The following AFF2 variants were observed in gnomAD, a reference collection of about 807,000 sequenced individuals.
AFF2 encodes ALF transcription elongation factor 2.
A neutral mutation model predicts 76.9 loss-of-function variants in AFF2; 14 were observed. That is an observed-to-expected ratio of 0.18 (90% CI 0.12 to 0.28). The LOEUF is 0.28. AFF2 is among the 10% of genes least tolerant of loss of function. The pLI is 1.00. For missense variants in AFF2, 868 were observed against 1,001.1 expected, an observed-to-expected ratio of 0.87 and a Z score of 1.79; for synonymous variants, 398 against 366.7, an observed-to-expected ratio of 1.09 and a Z score of -0.98.
intron 3 of AFF2, among the ~76,000 whole-genome samples, chrX:148,695,514 C>A (rs1557261201): frequency 3.6e-5 from 4 of 112,211 alleles, no homozygotes; most frequent in Non-Finnish European, 7.5e-5. Context: ...TCTCATCACC[C>A]TTTGTTTAAA....
chrX:148,750,072 A>G (rs1557266377), intron 3 of AFF2, among the ~76,000 whole-genome samples: 1 of 109,764 alleles, frequency 9.1e-6, no homozygotes, highest in East Asian at 2.8e-4. Context: ...GGTTCAAGTG[A>G]TTCTCCTGCC....
At chrX:148,836,616 A>G (rs2070529535) in intron 4 of AFF2, among the ~76,000 whole-genome samples, 1 of 110,939 alleles carries the variant, frequency 9.0e-6, no homozygotes, top group Non-Finnish European at 1.9e-5. Context: ...TAATGGTTCT[A>G]TATGAAAATG....
At chrX:148,929,363 T>C (rs1025472926) in intron 9 of AFF2, among the ~76,000 whole-genome samples, 6 of 112,423 alleles carry the variant, frequency 5.3e-5, no homozygotes, top group African/African-American at 1.9e-4. Flanking sequence ...AATGAAATTT[T>C]GTTGCTGCTG....
intron 1 of AFF2, among the ~76,000 whole-genome samples, chrX:148,508,813 A>G (rs1557232808): frequency 9.0e-6 from 1 of 111,404 alleles, no homozygotes. Flanking sequence ...TTTGCTGCCA[A>G]AGTGCTTGGC....
intron 1 of AFF2, among the ~76,000 whole-genome samples, chrX:148,552,870 A>G (rs2053011241): frequency 8.9e-6 from 1 of 111,988 alleles, no homozygotes; most frequent in Admixed American, 9.4e-5. Context: ...CTTTACTTAA[A>G]GCCTCTGCAG....
At position 148,581,233 on chromosome X, in the gene AFF2, C is replaced by T. The variant is rs1411535398; in HGVS notation, c.48-70766C>T. On this transcript the variant is annotated intron_variant, in intron 1 of 20. Transcript: ENST00000370460. ...TACACACATATATAATATACGTATA[C>T]GTATACGTGTACACACATATACGTA... Among the ~76,000 whole-genome samples the T allele has an allele frequency of 2.7e-3, 201 of 75,083 alleles. 19 individuals carry two copies. The highest frequency in any genetic ancestry group is 0.011 in the Middle Eastern group (1 of 90). The allele number at this position is 75,083 out of a possible 115,157, so 65.2% of individuals were successfully genotyped here.
intron 3 of AFF2, among the ~76,000 whole-genome samples, chrX:148,803,804 C>G (rs1334541397): frequency 7.2e-5 from 8 of 110,850 alleles, no homozygotes; most frequent in Non-Finnish European, 1.9e-5. Context: ...GAGATGTCCT[C>G]ATAATGAAGC....
At chrX:148,558,245 C>G (rs1252517240) in intron 1 of AFF2, among the ~76,000 whole-genome samples, 1 of 111,614 alleles carries the variant, frequency 9.0e-6, no homozygotes, top group East Asian at 2.8e-4. Context: ...TTCTATTTTG[C>G]CCTGCTAGGT....
rs375079978 is a variant in AFF2 at position 148,501,049 on chromosome X, C to G, written c.-49C>G. 3.3e-6 allele frequency: 4 copies of G among 1,198,618 alleles called. No individual in the cohort carries two copies. The African/African-American group carries it at 7.1e-5, about 21-fold the overall frequency. ...GAGCTGTGCCGAGAGCCGCGCCGAC[C>G]CGCTGCGATCAGGGACAGGCGCCCG... On this transcript the variant is annotated 5_prime_UTR_variant, in exon 1 of 21. Transcript: ENST00000370460.
intron 1 of AFF2, among the ~76,000 whole-genome samples, chrX:148,513,374 T>C (rs2052502914): frequency 9.0e-6 from 1 of 111,667 alleles, no homozygotes; most frequent in African/African-American, 3.3e-5. Flanking sequence ...CCAAATGTGA[T>C]TTCAATGCCA....
chrX:148,887,486 T>G (rs1557279223), intron 8 of AFF2, among the ~76,000 whole-genome samples: 1 of 112,595 alleles, frequency 8.9e-6, no homozygotes, highest in Admixed American at 9.4e-5. Flanking sequence ...AAGTAGATTT[T>G]GCACATTGAC....
At chrX:148,666,825 A>G (rs1184090537) in intron 3 of AFF2, among the ~76,000 whole-genome samples, 1 of 111,335 alleles carries the variant, frequency 9.0e-6, no homozygotes, top group Admixed American at 9.5e-5. Context: ...TTGTTAATAA[A>G]CGTAGCTTTA....
rs1379268834 is a variant in AFF2, at chrX:148,628,076, A to T, written c.48-23923A>T. Reference sequence around the variant, plus strand: ...GCCAAAGGTGGGAAAGGAGATTGTAAAGAAGAAGCCAGGGCAGCAGAATTC... The same window carrying T: ...GCCAAAGGTGGGAAAGGAGATTGTATAGAAGAAGCCAGGGCAGCAGAATTC... On this transcript the variant is annotated intron_variant, in intron 1 of 20. Coordinates refer to ENST00000370460, the MANE Select transcript of AFF2 (RefSeq NM_002025.4). Among the ~76,000 whole-genome samples the T allele has an allele frequency of 5.1e-4, 57 of 111,266 alleles. No homozygotes were observed. In the Admixed American group the frequency reaches 5.4e-3, roughly 11 times the overall value.
intron 1 of AFF2, among the ~76,000 whole-genome samples, chrX:148,630,903 T>C (rs1221467832): frequency 5.3e-5 from 6 of 112,283 alleles, no homozygotes; most frequent in Non-Finnish European, 1.1e-4. Flanking sequence ...GCAGATGAAT[T>C]CATCTTCTGT....
chrX:148,988,140 C>T (rs2072495352), intron 20 of AFF2, among the ~76,000 whole-genome samples: 1 of 112,031 alleles, frequency 8.9e-6, no homozygotes, highest in Non-Finnish European at 1.9e-5. Flanking sequence ...AGAGTGAATC[C>T]GTGGTCTTTG....
chrX:148,501,011 G>A lies in AFF2; in HGVS notation c.-87G>A. ...GAGGGCTGGAGAGCCGGGGGCCGCC[G>A]AGAACCGCCAGCGAGCTGTGCCGAG... On this transcript the variant is annotated 5_prime_UTR_variant, in exon 1 of 21. Transcript: ENST00000370460. 2 of 1,111,687 alleles carry A rather than the reference G, an allele frequency of 1.8e-6. No homozygotes were observed. Among genetic ancestry groups the A allele is most frequent in the Non-Finnish European group, 2.4e-6 (2 of 834,383 alleles). The allele number at this position is 1,111,687 out of a possible 1,213,427, so 91.6% of individuals were successfully genotyped here.
intron 3 of AFF2, among the ~76,000 whole-genome samples, chrX:148,759,733 A>G (rs1313487978): frequency 8.9e-6 from 1 of 112,050 alleles, no homozygotes; most frequent in Non-Finnish European, 1.9e-5. Context: ...TAGTTTTGTT[A>G]ATGGAAATGC....
chrX:148,838,434 G>C (rs1557274025), intron 5 of AFF2, among the ~76,000 whole-genome samples: 2 of 111,781 alleles, frequency 1.8e-5, no homozygotes, highest in Non-Finnish European at 3.8e-5. Context: ...CTATCACATA[G>C]ATCACAAAAC....
chrX:148,904,164 G>C (rs1197282876), intron 8 of AFF2, 57 bp from the exon 9 acceptor site: 1 of 726,195 alleles, frequency 1.4e-6, no homozygotes, highest in Non-Finnish European at 2.2e-6. Flanking sequence ...TTGGTAGCTA[G>C]TTGCAATGAT....
Sources: allele counts gnomAD v4.1 joint callset (sites outside exome capture counted in the v4.1 genomes callset), GRCh38; gene constraint gnomAD v4.1.1; transcripts MANE v1.5; gene names NCBI Gene and HGNC (gene_info 2026-07-23, HGNC 2026-07-21).